DNAH6: variants seen among roughly 807,000 people sequenced by gnomAD.
DNAH6 encodes the protein dynein axonemal heavy chain 6, also known as axonemal beta dynein heavy chain 6.
In DNAH6, 340 loss-of-function variants were observed where a neutral mutation model predicts 491.4. The observed-to-expected ratio is 0.69, with a 90% CI of 0.63 to 0.76. DNAH6 has a LOEUF of 0.76. DNAH6 is among the 30% of genes least tolerant of loss of function. DNAH6 has a pLI of 0.00. For synonymous variants in DNAH6, 1,603 were observed against 1,686.1 expected, an observed-to-expected ratio of 0.95 and a Z score of 1.21; for missense variants, 4,443 against 4,972.2, an observed-to-expected ratio of 0.89 and a Z score of 3.20.
chr2:84,724,315 A>G (rs570597028), intron 60 of DNAH6, among the ~76,000 whole-genome samples: 58 of 152,330 alleles, frequency 3.8e-4, no homozygotes, highest in Non-Finnish European at 7.3e-4. Flanking sequence ...AGGCCAGCCT[A>G]GTCCTAGTGT....
intron 3 of DNAH6, among the ~76,000 whole-genome samples, chr2:84,526,237 A>AT (rs1050434434): frequency 6.6e-6 from 1 of 152,110 alleles, no homozygotes; most frequent in African/African-American, 2.4e-5. Flanking sequence ...AGAAAAAAAA[A>AT]CAATAAGGGG....
At chr2:84,759,010 T>C (rs1186180408) in intron 63 of DNAH6, among the ~76,000 whole-genome samples, 1 of 152,166 alleles carries the variant, frequency 6.6e-6, no homozygotes, top group Non-Finnish European at 1.5e-5. Flanking sequence ...TATTCCTGTT[T>C]ATTGATGATA....
rs544702946 is a variant in DNAH6, at chr2:84,544,603, A to G, written c.930+103A>G. On this transcript the variant is annotated intron_variant, in intron 5 of 76. Transcript: ENST00000389394. Reference sequence around the variant, plus strand: ...GACTGTTCTTGAAATCAAATATTTTATATTCTTAAGAGAATTCCCAGTTTT... The same window carrying G: ...GACTGTTCTTGAAATCAAATATTTTGTATTCTTAAGAGAATTCCCAGTTTT... 240 of 699,050 alleles carry G rather than the reference A, an allele frequency of 3.4e-4. 3 individuals carry two copies. In the South Asian group the frequency reaches 6.0e-3, roughly 17 times the overall value. 43.3% of individuals were successfully genotyped at this position (699,050 alleles called of 1,614,324 possible). A position where few individuals can be genotyped will look rare whatever the true frequency, so the allele number is the denominator to read the frequency against.
At chr2:84,546,056 G>A (rs1444563212) in intron 5 of DNAH6, among the ~76,000 whole-genome samples, 2 of 152,006 alleles carry the variant, frequency 1.3e-5, no homozygotes, top group East Asian at 3.9e-4. Context: ...ACCCATTAGT[G>A]GTCACTCTCT....
chr2:84,633,383 A>G (rs1429172220), intron 29 of DNAH6, among the ~76,000 whole-genome samples: 1 of 152,024 alleles, frequency 6.6e-6, no homozygotes, highest in Admixed American at 6.6e-5. Flanking sequence ...GGATCTCAGC[A>G]CTAAAATCTC....
intron 65 of DNAH6, among the ~76,000 whole-genome samples, chr2:84,784,329 A>G (rs2105234050): frequency 6.6e-6 from 1 of 152,282 alleles, no homozygotes; most frequent in South Asian, 2.1e-4. Context: ...GGCCATTTTC[A>G]TGCAACTTGT....
At position 84,658,384 on chromosome 2, in the gene DNAH6, A is replaced by G; in HGVS notation, c.5850A>G (p.Ala1950=). The G allele has an allele frequency of 6.5e-7, 1 of 1,549,734 alleles. No individual in the cohort carries two copies. ...TTATCAATAAAAAGTGCAGCCAAGC[A>G]ATTCCACAAGTGGACATCAGCAAAG... ...LHFINKKCSQ[A]IPQVDISKVT... is the part of the protein sequence containing the mutation. The change falls in exon 36 of 77, where the codon GCA becomes GCG. Residue 1950 remains alanine (A), a synonymous_variant. Coordinates refer to ENST00000389394, the MANE Select transcript of DNAH6 (RefSeq NM_001370.2).
intron 10 of DNAH6, among the ~76,000 whole-genome samples, chr2:84,555,167 T>C (rs963714068): frequency 2.0e-5 from 3 of 152,224 alleles, no homozygotes; most frequent in African/African-American, 7.2e-5. Context: ...CACATACACA[T>C]AGAGATTAAT....
chr2:84,507,351 G>A, the DNAH6 span, among the ~76,000 whole-genome samples: 1 of 152,198 alleles, frequency 6.6e-6, no homozygotes, highest in South Asian at 2.1e-4. Context: ...GTTCACTCAA[G>A]ATTTGGCTCT....
At chr2:84,558,370 G>T (rs1233079276) in intron 11 of DNAH6, among the ~76,000 whole-genome samples, 1 of 150,864 alleles carries the variant, frequency 6.6e-6, no homozygotes, top group East Asian at 2.0e-4. Flanking sequence ...CTTGCAGTGA[G>T]CCGAGATCGC....
chr2:84,771,196 G>A (rs1675569932), intron 64 of DNAH6, among the ~76,000 whole-genome samples: 1 of 151,836 alleles, frequency 6.6e-6, no homozygotes, highest in Admixed American at 6.6e-5. Flanking sequence ...ACTGAGGCAG[G>A]AGAACCACTT....
chr2:84,687,659 C>G (rs1181347445), intron 44 of DNAH6, among the ~76,000 whole-genome samples: 1 of 152,154 alleles, frequency 6.6e-6, no homozygotes, highest in Non-Finnish European at 1.5e-5. Flanking sequence ...CTAGACTCTT[C>G]TTGCATTGCC....
At chr2:84,769,746 G>A (rs1439849302) in intron 64 of DNAH6, among the ~76,000 whole-genome samples, 1 of 152,178 alleles carries the variant, frequency 6.6e-6, no homozygotes, top group African/African-American at 2.4e-5. Context: ...AAATATATGA[G>A]CCACTGCCTC....
chr2:84,493,275 A>G, the DNAH6 span, among the ~76,000 whole-genome samples: 1 of 152,250 alleles, frequency 6.6e-6, no homozygotes, highest in South Asian at 2.1e-4. Flanking sequence ...CCATATGTAT[A>G]TTTTTAAACA....
intron 62 of DNAH6, among the ~76,000 whole-genome samples, chr2:84,740,633 G>T (rs769188987): frequency 2.5e-4 from 38 of 152,140 alleles, no homozygotes; most frequent in Admixed American, 1.8e-3. Context: ...TAGATCTCCA[G>T]GGGAGTGGAG....
chr2:84,566,758 A>C (rs1464500834), intron 11 of DNAH6, among the ~76,000 whole-genome samples: 1 of 152,054 alleles, frequency 6.6e-6, no homozygotes, highest in Admixed American at 6.6e-5. Context: ...TAATGTAAAC[A>C]CTCTATAATT....
At chr2:84,643,953 C>T (rs1396906459) in intron 33 of DNAH6, among the ~76,000 whole-genome samples, 3 of 151,274 alleles carry the variant, frequency 2.0e-5, no homozygotes, top group African/African-American at 7.3e-5. Flanking sequence ...TTTTAGTATG[C>T]CTCATAATAT....
the DNAH6 span, among the ~76,000 whole-genome samples, chr2:84,500,965 C>T: frequency 2.4e-4 from 36 of 152,114 alleles, no homozygotes; most frequent in Admixed American, 2.0e-4. Context: ...ATCATACTGT[C>T]TGCAAAGAAG....
At chr2:84,753,237 A>T (rs184293898) in intron 63 of DNAH6, among the ~76,000 whole-genome samples, 1 of 152,132 alleles carries the variant, frequency 6.6e-6, no homozygotes, top group African/African-American at 2.4e-5. Flanking sequence ...TCTTTTTATC[A>T]TGCAGTTGTA....
Sources: gnomAD v4.1 joint callset for allele counts (sites outside exome capture counted in the v4.1 genomes callset) on GRCh38, gnomAD v4.1.1 for gene constraint, MANE v1.5 for transcripts, NCBI Gene and HGNC (gene_info 2026-07-23, HGNC 2026-07-21) for gene names.